Variants in APBA2 observed in about 807,000 individuals in gnomAD.
APBA2 encodes the protein amyloid-beta A4 precursor protein-binding family A member 2.
In APBA2, 30 loss-of-function variants were observed where a neutral mutation model predicts 75.0. The observed-to-expected ratio is 0.40, with a 90% CI of 0.30 to 0.54. The LOEUF (loss-of-function observed/expected upper bound fraction) is 0.54. Ranked by LOEUF, APBA2 falls within the 20% of genes least tolerant of loss-of-function variation. The pLI is 0.49. For synonymous variants in APBA2, 444 were observed against 409.6 expected, an observed-to-expected ratio of 1.08 and a Z score of -1.01; for missense variants, 801 against 1,016.1, an observed-to-expected ratio of 0.79 and a Z score of 2.88.
intron 2 of APBA2, among the ~76,000 whole-genome samples, chr15:28,949,175 T>C (rs1209354216): frequency 6.6e-6 from 1 of 151,832 alleles, no homozygotes; most frequent in Non-Finnish European, 1.5e-5. Flanking sequence ...GTTGTTTGCA[T>C]TGCTGTGATA....
At chr15:28,981,134 C>T (rs577895473) in intron 2 of APBA2, among the ~76,000 whole-genome samples, 1 of 152,244 alleles carries the variant, frequency 6.6e-6, no homozygotes, top group Admixed American at 6.5e-5. Flanking sequence ...ATGACTAAGT[C>T]CTCAAAAGCA....
chr15:29,113,839 C>A, intron 13 of APBA2, 37 bp from the exon 14 acceptor site: 1 of 1,575,236 alleles, frequency 6.3e-7, no homozygotes, highest in East Asian at 2.2e-5. Flanking sequence ...TCGGGTGTGG[C>A]GGGAACACGT....
intron 2 of APBA2, among the ~76,000 whole-genome samples, chr15:28,931,105 C>T (rs2034540693): frequency 6.6e-6 from 1 of 152,372 alleles, no homozygotes; most frequent in East Asian, 1.9e-4. Context: ...CCAGCCCCCT[C>T]CATGAGGCAC....
At chr15:28,942,895 G>A (rs1325650930) in intron 2 of APBA2, among the ~76,000 whole-genome samples, 1 of 152,194 alleles carries the variant, frequency 6.6e-6, no homozygotes, top group Admixed American at 6.5e-5. Flanking sequence ...GGCCGCTGGA[G>A]CAGCCCCTGA....
chr15:28,960,073 AG>A (rs1383908013), intron 2 of APBA2, among the ~76,000 whole-genome samples: 2 of 144,910 alleles, frequency 1.4e-5, no homozygotes, highest in Non-Finnish European at 3.0e-5. Flanking sequence ...TGAGCCCAGG[AG>A]GCGGAGGTTA....
chr15:29,061,820 C>T (rs1036111045), intron 4 of APBA2, among the ~76,000 whole-genome samples: 2 of 152,224 alleles, frequency 1.3e-5, no homozygotes, highest in Non-Finnish European at 2.9e-5. Context: ...CACACACATG[C>T]CCCGCTGGGC....
intron 3 of APBA2, among the ~76,000 whole-genome samples, chr15:29,043,262 G>T (rs1434910041): frequency 6.6e-6 from 1 of 152,116 alleles, no homozygotes; most frequent in African/African-American, 2.4e-5. Context: ...GCAGATCATC[G>T]CCCTTTGCGT....
chr15:29,010,418 C>T (rs769822369), intron 3 of APBA2, among the ~76,000 whole-genome samples: 40 of 152,188 alleles, frequency 2.6e-4, no homozygotes, highest in African/African-American at 9.2e-4. Context: ...GCCACCAGCC[C>T]GGCTAATTTT....
At chr15:28,891,525 A>G (rs147501681) in intron 1 of APBA2, among the ~76,000 whole-genome samples, 2,400 of 152,316 alleles carry the variant, frequency 0.016, 69 homozygotes, top group African/African-American at 0.053. Context: ...CACAGATGAC[A>G]TGGGCCCTTC....
At chr15:29,108,177 C>T in intron 12 of APBA2, 93 bp from the exon 13 acceptor site, 7 of 1,580,236 alleles carry the variant, frequency 4.4e-6, no homozygotes, top group Non-Finnish European at 6.0e-6. Context: ...TTCTCACTGC[C>T]CCCGGCCTCC....
chr15:29,034,800 G>T (rs961431098), intron 3 of APBA2, among the ~76,000 whole-genome samples: 11 of 152,186 alleles, frequency 7.2e-5, no homozygotes, highest in African/African-American at 2.7e-4. Context: ...AGTTTTCATT[G>T]GTCTGGGGGA....
intron 4 of APBA2, among the ~76,000 whole-genome samples, chr15:29,066,651 G>A (rs1278642538): frequency 1.3e-5 from 2 of 152,142 alleles, no homozygotes; most frequent in Non-Finnish European, 2.9e-5. Flanking sequence ...GCTCAACAGT[G>A]TGAATGTACT....
At chr15:28,911,450 G>A (rs1002166228) in intron 1 of APBA2, among the ~76,000 whole-genome samples, 2 of 152,208 alleles carry the variant, frequency 1.3e-5, no homozygotes, top group Admixed American at 1.3e-4. Flanking sequence ...TGGCTTGCCT[G>A]CTGGCCTGCT....
intron 5 of APBA2, among the ~76,000 whole-genome samples, chr15:29,075,330 A>C (rs2042803763): frequency 6.6e-6 from 1 of 152,172 alleles, no homozygotes; most frequent in Non-Finnish European, 1.5e-5. Context: ...TTGTCTGATA[A>C]CCATGTTCTA....
At chr15:29,068,229 G>A (rs1486016865) in intron 4 of APBA2, among the ~76,000 whole-genome samples, 3 of 152,192 alleles carry the variant, frequency 2.0e-5, no homozygotes, top group Admixed American at 6.5e-5. Flanking sequence ...GGTTGCTGTC[G>A]TTAAACTGTG....
At chr15:28,980,505 G>A (rs564414066) in intron 2 of APBA2, among the ~76,000 whole-genome samples, 35 of 152,146 alleles carry the variant, frequency 2.3e-4, no homozygotes, top group Admixed American at 1.4e-3. Context: ...AAAATACTTA[G>A]GACTACAGCG....
rs150254397 is a variant in APBA2, at chr15:29,004,024, T to C, written c.-41+8218T>C. On this transcript the variant is annotated intron_variant, in intron 3 of 14. Coordinates refer to ENST00000683413, the MANE Select transcript of APBA2 (RefSeq NM_001353788.2). ...CAGGACCAAAAGCTGGTGCTGCAGA[T>C]GTGTGGGGTGGCAGCATTGTCACTT... Among the ~76,000 whole-genome samples, 218 of 152,294 alleles carry C rather than the reference T, an allele frequency of 1.4e-3. 1 individual carries two copies. The highest frequency in any genetic ancestry group is 4.9e-3 in the African/African-American group (204 of 41,576).
At position 29,117,161 on chromosome 15, in the gene APBA2, G is replaced by A. The variant is rs1457487582; in HGVS notation, c.*28G>A. ...CACCCCAGCCTGGCCACGCAGCCAG[G>A]ACACCGGGCAGGGCCGCCCGGGCCC... On this transcript the variant is annotated 3_prime_UTR_variant, in exon 15 of 15. Coordinates refer to ENST00000683413, the MANE Select transcript of APBA2 (RefSeq NM_001353788.2). 1 of 1,611,262 alleles carries A rather than the reference G, an allele frequency of 6.2e-7. No homozygotes were observed. Among genetic ancestry groups the A allele is most frequent in the African/African-American group, 1.3e-5 (1 of 74,900 alleles).
chr15:28,890,397 T>C (rs1332462166), intron 1 of APBA2, among the ~76,000 whole-genome samples: 2 of 152,206 alleles, frequency 1.3e-5, no homozygotes, highest in Admixed American at 1.3e-4. Flanking sequence ...CGGATGTGGA[T>C]GCACTTTGGA....
Sources: gnomAD v4.1 joint callset for allele counts (sites outside exome capture counted in the v4.1 genomes callset) on GRCh38, gnomAD v4.1.1 for gene constraint, MANE v1.5 for transcripts, NCBI Gene and HGNC (gene_info 2026-07-23, HGNC 2026-07-21) for gene names.